ALOX12B: variants seen among roughly 807,000 people sequenced by gnomAD.
ALOX12B encodes arachidonate 12-lipoxygenase, 12R type, also known as arachidonate 12-lipoxygenase, 12R-type.
In ALOX12B, 47 loss-of-function variants were observed where a neutral mutation model predicts 78.9. That is an observed-to-expected ratio of 0.60 (90% CI 0.47 to 0.76). The LOEUF (loss-of-function observed/expected upper bound fraction) is 0.76, where lower values mean the gene tolerates loss of function less well. Ranked by LOEUF, ALOX12B falls within the 30% of genes least tolerant of loss-of-function variation. The probability of loss-of-function intolerance (pLI) is 0.00; values close to 1 mark genes in which losing one functional copy is unlikely to be tolerated. For synonymous variants in ALOX12B, 370 were observed against 374.5 expected, an observed-to-expected ratio of 0.99 and a Z score of 0.14; for missense variants, 805 against 922.6, an observed-to-expected ratio of 0.87 and a Z score of 1.65.
Position 8,080,409 on chromosome 17 carries a change from C to T in ALOX12B, c.651-71G>A, listed in dbSNP as rs1408073287. 2 of 1,541,702 alleles carry T rather than the reference C, an allele frequency of 1.3e-6. No individual in the cohort carries two copies. The highest frequency in any genetic ancestry group is 4.5e-5 in the East Asian group (2 of 44,448). On this transcript the variant is annotated intron_variant, in intron 5 of 14. Transcript: ENST00000647874. This position sits in a 1 kb window ranked among gnomAD's most constrained non-coding sequence, Gnocchi z 4.8. ...GCGCCGGCTGGGGCAGGTGGCGGGG[C>T]CGCCCCATCCACTTAGGTCTCTGGG...
Position 8,079,738 on chromosome 17 carries a change from G to A in ALOX12B, c.927+31C>T. ...ATGCCCGCGAGGGAGGCCGGGAGGA[G>A]GGCCGGGGTCTCCGCCGGAGCGGGC... is the stretch of plus-strand genomic sequence containing the variant. On this transcript the variant is annotated intron_variant, in intron 7 of 14. Transcript: ENST00000647874. The surrounding 1 kb of genome is among the most constrained non-coding windows in gnomAD (Gnocchi z 6.4). The A allele has an allele frequency of 4.4e-6, 7 of 1,601,626 alleles. No individual in the cohort carries two copies. The highest frequency in any genetic ancestry group is 6.0e-6 in the Non-Finnish European group (7 of 1,175,438).
At chr17:8,073,482 C>T (rs1340599163) in intron 13 of ALOX12B, among the ~76,000 whole-genome samples, 164 bp from the exon 14 acceptor site, 1 of 151,712 alleles carries the variant, frequency 6.6e-6, no homozygotes, top group Non-Finnish European at 1.5e-5. Flanking sequence ...GGGTGTGGGG[C>T]TGGGGCTGAG....
At chr17:8,073,035 G>C (rs1977013807) in intron 14 of ALOX12B, 85 bp from the exon 15 acceptor site, 1 of 1,597,378 alleles carries the variant, frequency 6.3e-7, no homozygotes, top group Non-Finnish European at 8.5e-7. Flanking sequence ...TCCACCCTTT[G>C]GTTTCAGTGG....
At chr17:8,073,394 C>G in intron 13 of ALOX12B, 76 bp from the exon 14 acceptor site, 2 of 1,588,888 alleles carry the variant, frequency 1.3e-6, no homozygotes, top group Non-Finnish European at 1.7e-6. Flanking sequence ...GCTGACCACC[C>G]GCCCTCCAGT....
chr17:8,076,953 T>C (rs1345576241), intron 9 of ALOX12B, 37 bp downstream of exon 9: 2 of 1,599,716 alleles, frequency 1.3e-6, no homozygotes, highest in Non-Finnish European at 1.7e-6. Context: ...GTGAGGGCCA[T>C]GATGCCTGGG....
At chr17:8,082,579 G>A (rs1219247512) in intron 2 of ALOX12B, among the ~76,000 whole-genome samples, 2 of 151,832 alleles carry the variant, frequency 1.3e-5, no homozygotes, top group Non-Finnish European at 2.9e-5. Context: ...GCACAAAGGA[G>A]ATTCGTTTAA....
intron 2 of ALOX12B, among the ~76,000 whole-genome samples, chr17:8,085,057 C>A (rs993675954): frequency 6.6e-6 from 1 of 152,178 alleles, no homozygotes; most frequent in Non-Finnish European, 1.5e-5. Context: ...AATAACAGGG[C>A]CCCTATTAGA....
At chr17:8,078,258 G>A (rs1977130732) in intron 8 of ALOX12B, among the ~76,000 whole-genome samples, 1 of 151,410 alleles carries the variant, frequency 6.6e-6, no homozygotes, top group Admixed American at 6.6e-5. Flanking sequence ...AGATTCTCCT[G>A]CCTCAGCCTC....
rs538537050 is a variant in ALOX12B at position 8,077,276 on chromosome 17, G to A, written c.1072-83C>T. ...CCCCACCGCAGGAAGGAGGCAGAAG[G>A]GAGTATGAGAAGGTGAAAACACTCC... On this transcript the variant is annotated intron_variant, in intron 8 of 14. Coordinates refer to ENST00000647874, the MANE Select transcript of ALOX12B (RefSeq NM_001139.3). 3,410 of 1,395,172 alleles carry A rather than the reference G, an allele frequency of 2.4e-3. 10 individuals are homozygous for A. Among genetic ancestry groups the A allele is most frequent in the Non-Finnish European group, 3.2e-3 (3,177 of 1,006,898 alleles). The allele number at this position is 1,395,172 out of a possible 1,614,324, so 86.4% of individuals were successfully genotyped here. A position where few individuals can be genotyped will look rare whatever the true frequency, so the allele number is the denominator to read the frequency against.
intron 9 of ALOX12B, 25 bp downstream of exon 9, chr17:8,076,965 G>A (rs747805005): frequency 9.3e-6 from 15 of 1,606,762 alleles, no homozygotes; most frequent in Non-Finnish European, 1.3e-5. Context: ...ATGCCTGGGG[G>A]AGGCCCCTTC....
intron 2 of ALOX12B, among the ~76,000 whole-genome samples, chr17:8,085,737 G>GTATTTCTTAGTCCTTT (rs1225452695): frequency 6.6e-6 from 1 of 152,182 alleles, no homozygotes; most frequent in Non-Finnish European, 1.5e-5. Flanking sequence ...GAGGTAGCGG[G>GTATTTCTTAGTCCTTT]GAGCGCACTC....
At position 8,076,970 on chromosome 17, in the gene ALOX12B, C is replaced by T. The variant is rs1398643081; in HGVS notation, c.1275+20G>A. 6.2e-7 allele frequency: 1 copy of T among 1,608,658 alleles called. No individual in the cohort carries two copies. Among genetic ancestry groups the T allele is most frequent in the Non-Finnish European group, 8.5e-7 (1 of 1,177,684 alleles). ...GAGGGCCATGATGCCTGGGGGAGGCCCCTTCTCCCAAGCCCATACCTTGTA... is the reference window on the plus strand; with the variant it reads ...GAGGGCCATGATGCCTGGGGGAGGCTCCTTCTCCCAAGCCCATACCTTGTA... On this transcript the variant is annotated intron_variant, in intron 9 of 14. Coordinates refer to ENST00000647874, the MANE Select transcript of ALOX12B (RefSeq NM_001139.3).
rs1486988349 is a variant in ALOX12B at position 8,076,202 on chromosome 17, C to T, written c.1505G>A (p.Ser502Asn). ...DLPGYYYRDDSLAVWNALEKY... is the reference protein window; with the variant it reads ...DLPGYYYRDDNLAVWNALEKY... ...CTCCAGTGCATTCCACACCGCCAAG[C>T]TGTCATCGCGGTAGTAATATCCAGG... The change falls in exon 11 of 15, where the codon AGC (serine) becomes AAC (asparagine). Residue 502 changes from serine (S) to asparagine (N), a missense_variant. Ser to Asn is a conservative substitution (Grantham distance 46, BLOSUM62 1). Transcript: ENST00000647874. The T allele has an allele frequency of 6.2e-7, 1 of 1,614,180 alleles. No individual in the cohort carries two copies. The highest frequency in any genetic ancestry group is 1.1e-5 in the South Asian group (1 of 91,090).
Position 8,080,543 on chromosome 17 carries a change from C to T in ALOX12B, c.650+115G>A, listed in dbSNP as rs1598181305. On this transcript the variant is annotated intron_variant, in intron 5 of 14. Transcript: ENST00000647874. This position sits in a 1 kb window ranked among gnomAD's most constrained non-coding sequence, Gnocchi z 4.8. Reference sequence around the variant, plus strand: ...GTTTTCTGGGTCTGCGTTTCAGCTCCCTCTGCCTTCCTGGCCATTCCAACC... The same window carrying T: ...GTTTTCTGGGTCTGCGTTTCAGCTCTCTCTGCCTTCCTGGCCATTCCAACC... The T allele has an allele frequency of 4.5e-6, 7 of 1,540,738 alleles. No individual in the cohort carries two copies. The highest frequency in any genetic ancestry group is 6.2e-6 in the Non-Finnish European group (7 of 1,123,458).
chr17:8,072,986 C>T lies in ALOX12B; in HGVS notation c.1927-36G>A, dbSNP rs777850910. The T allele has an allele frequency of 3.1e-6, 5 of 1,596,598 alleles. No individual in the cohort carries two copies. The Admixed American group carries it at 5.1e-5, about 16-fold the overall frequency. The stretch of plus-strand genomic sequence containing the variant: ...AGAGCTCGACAGCTGGGACCAGGGC[C>T]GGCCAGCACCCCCTCCTCCTGCCGG... On this transcript the variant is annotated intron_variant, in intron 14 of 14. Coordinates refer to ENST00000647874, the MANE Select transcript of ALOX12B (RefSeq NM_001139.3).
At chr17:8,076,060 G>A (rs1337219337) in intron 11 of ALOX12B, 115 bp downstream of exon 11, 26 of 1,415,484 alleles carry the variant, frequency 1.8e-5, no homozygotes, top group Non-Finnish European at 2.6e-5. Flanking sequence ...CTTCCCCAAG[G>A]CCAAGCCCCT....
intron 12 of ALOX12B, 32 bp downstream of exon 12, chr17:8,075,563 C>T (rs1386083723): frequency 1.2e-6 from 2 of 1,613,550 alleles, no homozygotes; most frequent in South Asian, 1.1e-5. Context: ...AGTCCCAGCT[C>T]CCCCTGATTG....
At chr17:8,082,025 A>G (rs1977228083) in intron 2 of ALOX12B, among the ~76,000 whole-genome samples, 1 of 152,206 alleles carries the variant, frequency 6.6e-6, no homozygotes, top group Non-Finnish European at 1.5e-5. Flanking sequence ...TTCACTTAAG[A>G]TAATGACTTC....
At chr17:8,077,297 A>T (rs1434288086) in intron 8 of ALOX12B, 104 bp from the exon 9 acceptor site, 17 of 1,185,916 alleles carry the variant, frequency 1.4e-5, no homozygotes, top group Non-Finnish European at 1.8e-5. Context: ...AGGTGAAAAC[A>T]CTCCTAAGCT....
Sources: allele counts gnomAD v4.1 joint callset (sites outside exome capture counted in the v4.1 genomes callset), GRCh38; gene constraint gnomAD v4.1.1; non-coding constraint Gnocchi (gnomAD v3.1); transcripts MANE v1.5; gene names NCBI Gene and HGNC (gene_info 2026-07-23, HGNC 2026-07-21).